Variants in ZMYM6 observed in about 807,000 individuals in gnomAD.
The protein encoded by ZMYM6 is zinc finger MYM-type protein 6.
ZMYM6 carries 90 observed loss-of-function variants against 134.0 expected under a neutral mutation model. The ratio of observed to expected loss-of-function variants is 0.67; its 90% CI spans 0.57 to 0.80. ZMYM6 has a LOEUF of 0.80. Ranked by LOEUF, ZMYM6 falls within the 30% of genes least tolerant of loss-of-function variation. ZMYM6 has a pLI of 0.00. For synonymous variants in ZMYM6, 481 were observed against 524.1 expected (o/e 0.92, Z 1.12); for missense variants, 1,362 against 1,533.9 (o/e 0.89, Z 1.87).
At position 35,030,662 on chromosome 1, in the gene ZMYM6, T is replaced by C. The variant is rs762211697; in HGVS notation, c.-23A>G. ...CATTCTAATTTTTTACCTCAAAGAGTGTCTCAGGCTCAAACGAATAGATTT... is the reference window on the plus strand; with the variant it reads ...CATTCTAATTTTTTACCTCAAAGAGCGTCTCAGGCTCAAACGAATAGATTT... On this transcript the variant is annotated 5_prime_UTR_variant, in exon 2 of 16. Transcript: ENST00000357182. 6.2e-7 allele frequency: 1 copy of C among 1,601,654 alleles called. No homozygotes were observed. Among genetic ancestry groups the C allele is most frequent in the Non-Finnish European group, 8.5e-7 (1 of 1,172,856 alleles).
At chr1:35,024,528 C>T (rs1641371109) in intron 2 of ZMYM6, among the ~76,000 whole-genome samples, 1 of 152,158 alleles carries the variant, frequency 6.6e-6, no homozygotes, top group African/African-American at 2.4e-5. Flanking sequence ...CACCATAAAC[C>T]CCAAAACCTG....
Position 34,987,401 on chromosome 1 carries a change from G to A in ZMYM6, c.3681C>T (p.Leu1227=). The stretch of plus-strand genomic sequence containing the variant: ...TTAGCTTTTCTTCTTCGAAGTCGGT[G>A]AGATTATTATTTTGGTGATTCATAA... ...HPFMNHQNNN[L]TDFEEEKLTE... Residue 1227 remains leucine (L), a synonymous_variant, in exon 16 of 16, where the codon CTC becomes CTT. Coordinates refer to ENST00000357182, the MANE Select transcript of ZMYM6 (RefSeq NM_007167.4). The A allele has an allele frequency of 6.2e-7, 1 of 1,614,038 alleles. No individual in the cohort carries two copies. Among genetic ancestry groups the A allele is most frequent in the Non-Finnish European group, 8.5e-7 (1 of 1,180,000 alleles).
At chr1:35,006,599 C>T (rs1217278529) in intron 12 of ZMYM6, among the ~76,000 whole-genome samples, 1 of 152,098 alleles carries the variant, frequency 6.6e-6, no homozygotes, top group Non-Finnish European at 1.5e-5. Flanking sequence ...CCTTTGTTTG[C>T]CCTGATTTTC....
chr1:35,000,312 T>C (rs1640858763), intron 14 of ZMYM6, among the ~76,000 whole-genome samples: 1 of 151,502 alleles, frequency 6.6e-6, no homozygotes, highest in Admixed American at 6.6e-5. Context: ...CAATCAAGGC[T>C]TACTACAGCC....
chr1:34,987,768 TG>T lies in ZMYM6; in HGVS notation c.3313del (p.His1105MetfsTer19). On this transcript the variant is annotated frameshift_variant, in exon 16 of 16. Coordinates refer to ENST00000357182, the MANE Select transcript of ZMYM6 (RefSeq NM_007167.4). LOFTEE classifies it high-confidence loss of function. ...QKHSDLAKYFHDEEWVGKLAY... is the reference protein window; with the variant it reads ...QKHSDLAKYFXDEEWVGKLAY... ...CAGCTTTCCAACCCATTCCTCATCA[TG>T]AAAATACTTGGCCAAATCTGAATGC... 6.4e-7 allele frequency: 1 copy of T among 1,551,554 alleles called. No individual in the cohort carries two copies. The highest frequency in any genetic ancestry group is 8.7e-7 in the Non-Finnish European group (1 of 1,146,966).
At chr1:35,005,351 C>T in intron 12 of ZMYM6, 79 bp from the exon 13 acceptor site, 2 of 1,445,640 alleles carry the variant, frequency 1.4e-6, no homozygotes, top group Non-Finnish European at 1.9e-6. Flanking sequence ...ACACACAAAA[C>T]CCTGTTTAGT....
intron 2 of ZMYM6, among the ~76,000 whole-genome samples, chr1:35,024,150 T>C (rs1389703077): frequency 6.6e-6 from 1 of 152,120 alleles, no homozygotes; most frequent in Non-Finnish European, 1.5e-5. Flanking sequence ...CCCTCCACCT[T>C]ACCTACAAAT....
intron 14 of ZMYM6, among the ~76,000 whole-genome samples, chr1:34,995,881 T>C (rs1375057560): frequency 2.6e-5 from 4 of 152,214 alleles, no homozygotes; most frequent in Non-Finnish European, 4.4e-5. Flanking sequence ...AACCTTGCTC[T>C]TGTCACTTAG....
chr1:34,999,912 A>C (rs1211302534), intron 14 of ZMYM6, among the ~76,000 whole-genome samples: 1 of 152,106 alleles, frequency 6.6e-6, no homozygotes, highest in Non-Finnish European at 1.5e-5. Flanking sequence ...AAGGATATTC[A>C]CTGTAGCGGA....
chr1:35,015,514 A>G (rs1456168171), intron 4 of ZMYM6, among the ~76,000 whole-genome samples: 5 of 151,768 alleles, frequency 3.3e-5, no homozygotes, highest in Non-Finnish European at 7.4e-5. Context: ...TCATGAGGTC[A>G]GGAGTTCGAG....
chr1:35,000,007 C>T lies in ZMYM6; in HGVS notation c.1992+3961G>A, dbSNP rs150702367. 4.7e-3 allele frequency among the ~76,000 whole-genome samples: 716 copies of T among 152,198 alleles called. 5 individuals carry two copies. The highest frequency in any genetic ancestry group is 0.016 in the African/African-American group (678 of 41,536). On this transcript the variant is annotated intron_variant, in intron 14 of 15. Transcript: ENST00000357182. ...GCAATGGTGTGATCTCAGCTCACCGCGGCCTTGACCTACCTTCTAGGCTCA... is the reference window on the plus strand; with the variant it reads ...GCAATGGTGTGATCTCAGCTCACCGTGGCCTTGACCTACCTTCTAGGCTCA...
intron 2 of ZMYM6, among the ~76,000 whole-genome samples, chr1:35,028,544 G>A (rs1641457456): frequency 6.6e-6 from 1 of 151,126 alleles, no homozygotes; most frequent in African/African-American, 2.4e-5. Context: ...CTGTCACCCA[G>A]GCTAGAGTGC....
rs12071827 is a variant in ZMYM6, at chr1:34,992,682, G to A, written c.1993-295C>T. Among the ~76,000 whole-genome samples, 1,717 of 93,724 alleles carry A rather than the reference G, an allele frequency of 0.018. 202 individuals are homozygous for A. The African/African-American group carries it at 0.19, about 10-fold the overall frequency. 61.5% of individuals were successfully genotyped at this position (93,724 alleles called of 152,430 possible). A position where few individuals can be genotyped will look rare whatever the true frequency, so the allele number is the denominator to read the frequency against. Reference sequence around the variant, plus strand: ...AAACTATAAATATAAAAATATATTTGTAAATATAAAAATAAAAATATACTT... The same window carrying A: ...AAACTATAAATATAAAAATATATTTATAAATATAAAAATAAAAATATACTT... On this transcript the variant is annotated intron_variant, in intron 14 of 15. Transcript: ENST00000357182.
Position 34,988,011 on chromosome 1 carries a change from G to A in ZMYM6, c.3071C>T (p.Pro1024Leu). Reference protein sequence around the residue: ...RERLVAEKLSPCLHKILLQSA... With the variant: ...RERLVAEKLSLCLHKILLQSA... ...CTGCAAAAGAATTTTATGTAAACATGGAGACAACTTTTCTGCCACTAAACG... is the reference window on the plus strand; with the variant it reads ...CTGCAAAAGAATTTTATGTAAACATAGAGACAACTTTTCTGCCACTAAACG... Residue 1024 changes from proline to leucine, a missense_variant, in exon 16 of 16, where the codon CCA becomes CTA. Physicochemically the swap from Pro to Leu is moderately conservative, Grantham distance 98. Coordinates refer to ENST00000357182, the MANE Select transcript of ZMYM6 (RefSeq NM_007167.4). The A allele has an allele frequency of 6.4e-7, 1 of 1,551,292 alleles. No individual in the cohort carries two copies. The highest frequency in any genetic ancestry group is 2.0e-5 in the Admixed American group (1 of 50,948).
In ZMYM6 at chr1:35,030,576, T is replaced by A; in HGVS notation, c.64A>T (p.Lys22Ter). Residue 22 changes from lysine (K) to a stop codon, truncating the protein, a stop_gained, in exon 2 of 16, where the codon AAA becomes TAA. Coordinates refer to ENST00000357182, the MANE Select transcript of ZMYM6 (RefSeq NM_007167.4). LOFTEE classifies it high-confidence loss of function. ...GCATTGTCTGGTTCTTCTTTAATTT[T>A]GTCCAGAAGCTCCTGCTGTGGTACC... ...AVVPQQELLDKIKEEPDNAQE... is the reference protein window; with the variant it reads ...AVVPQQELLD 1 of 1,613,112 alleles carries A rather than the reference T, an allele frequency of 6.2e-7. No individual in the cohort carries two copies. The highest frequency in any genetic ancestry group is 1.7e-5 in the Admixed American group (1 of 59,624).
chr1:35,031,479 C>T (rs1641523117), intron 1 of ZMYM6: 2 of 152,294 alleles, frequency 1.3e-5, no homozygotes, highest in Admixed American at 6.5e-5. Flanking sequence ...AAACGGACAA[C>T]TGGTTGAAAA....
chr1:35,003,902 G>A, intron 14 of ZMYM6, 66 bp downstream of exon 14: 1 of 1,385,406 alleles, frequency 7.2e-7, no homozygotes. Flanking sequence ...ATATTAGAAT[G>A]CCATATCCAA....
At chr1:34,994,257 T>G (rs951864010) in intron 14 of ZMYM6, among the ~76,000 whole-genome samples, 5 of 152,064 alleles carry the variant, frequency 3.3e-5, no homozygotes, top group Non-Finnish European at 7.4e-5. Flanking sequence ...AATATATAAT[T>G]CTAGGTAGTG....
rs1641149269 is a variant in ZMYM6 at position 35,014,692 on chromosome 1, C to T, written c.795+5G>A. ...TAAGTACATGCAACAAATAGATATT[C>T]ATACCTGCTTGTATGCCGTGACACT... On this transcript the variant is annotated splice_donor_5th_base_variant and intron_variant, in intron 6 of 15. Transcript: ENST00000357182. The T allele has an allele frequency of 6.2e-7, 1 of 1,612,058 alleles. No homozygotes were observed. The highest frequency in any genetic ancestry group is 8.5e-7 in the Non-Finnish European group (1 of 1,178,960).
Sources: allele counts gnomAD v4.1 joint callset (sites outside exome capture counted in the v4.1 genomes callset), GRCh38; gene constraint gnomAD v4.1.1; transcripts MANE v1.5; gene names NCBI Gene and HGNC (gene_info 2026-07-23, HGNC 2026-07-21).